The following ARHGAP1 variants were observed in gnomAD, a reference collection of about 807,000 sequenced individuals.
ARHGAP1 encodes the protein Rho GTPase activating protein 1, also known as rho GTPase-activating protein 1.
ARHGAP1 carries 23 observed loss-of-function variants against 52.2 expected under a neutral mutation model. The observed-to-expected ratio is 0.44, with a 90% CI of 0.32 to 0.62. The LOEUF is 0.62. ARHGAP1 is among the 20% of genes least tolerant of loss of function. The probability of loss-of-function intolerance (pLI) is 0.05; values close to 1 mark genes in which losing one functional copy is unlikely to be tolerated. For synonymous variants in ARHGAP1, 210 were observed against 228.4 expected, an observed-to-expected ratio of 0.92 and a Z score of 0.73; for missense variants, 480 against 560.9, an observed-to-expected ratio of 0.86 and a Z score of 1.46.
At chr11:46,694,424 C>A (rs547248768) in intron 3 of ARHGAP1, among the ~76,000 whole-genome samples, 3 of 152,070 alleles carry the variant, frequency 2.0e-5, no homozygotes, top group Non-Finnish European at 4.4e-5. Context: ...CGAGCCAGGA[C>A]GGACACCTAC....
chr11:46,694,138 C>T lies in ARHGAP1; in HGVS notation c.229+1522G>A, dbSNP rs1592391994. Among the ~76,000 whole-genome samples the T allele has an allele frequency of 2.0e-5, 3 of 152,280 alleles. No individual in the cohort carries two copies. In the South Asian group the frequency reaches 6.2e-4, roughly 32 times the overall value. On this transcript the variant is annotated intron_variant, in intron 3 of 12. Transcript: ENST00000311956. ...AGGCACATCCATGGGGACACCATCA[C>T]CCAGAAGGTCCCTGAGCCACCACTC...
Position 46,679,875 on chromosome 11 carries a change from T to C in ARHGAP1, c.899-99A>G. On this transcript the variant is annotated intron_variant, in intron 10 of 12. Transcript: ENST00000311956. The surrounding 1 kb of genome is among the most constrained non-coding windows in gnomAD (Gnocchi z 4.4). Reference sequence around the variant, plus strand: ...GCACTGCCTGACTGCCCCTGGACACTGCATAAGCCCCTCCTCCCAGGGGCG... The same window carrying C: ...GCACTGCCTGACTGCCCCTGGACACCGCATAAGCCCCTCCTCCCAGGGGCG... The C allele has an allele frequency of 6.5e-7, 1 of 1,544,448 alleles. No individual in the cohort carries two copies. The highest frequency in any genetic ancestry group is 8.7e-7 in the Non-Finnish European group (1 of 1,146,736).
intron 1 of ARHGAP1, 23 bp downstream of exon 1, chr11:46,700,528 A>C: frequency 5.9e-6 from 1 of 168,508 alleles, no homozygotes; most frequent in Admixed American, 5.9e-5. Flanking sequence ...CCACCCGGGG[A>C]GACCCCGCGC....
chr11:46,700,094 C>T (rs540988901), intron 1 of ARHGAP1, among the ~76,000 whole-genome samples: 1 of 152,218 alleles, frequency 6.6e-6, no homozygotes, highest in South Asian at 2.1e-4. Context: ...CGCTTGAATC[C>T]GGGAGGCGGA....
At position 46,680,679 on chromosome 11, in the gene ARHGAP1, G is replaced by A. The variant is rs572555794; in HGVS notation, c.704C>T (p.Pro235Leu). Residue 235 changes from proline (P) to leucine (L), a missense_variant, in exon 8 of 13, where the codon CCC becomes CTC. Pro to Leu is a moderately conservative substitution (Grantham distance 98). Transcript: ENST00000311956. This position sits in a 1 kb window ranked among gnomAD's most constrained non-coding sequence, Gnocchi z 5.9. ...TCCAAACTGCTGGTTGGGCAGGGGG[G>A]GCCGTGGGGGCATGGGCTTGGGGGC... ...ATAPKPMPPR[P>L]PLPNQQFGVS... 4.2e-5 allele frequency: 68 copies of A among 1,605,650 alleles called. No individual in the cohort carries two copies. The highest frequency in any genetic ancestry group is 8.9e-5 in the South Asian group (8 of 90,060).
At position 46,678,681 on chromosome 11, in the gene ARHGAP1, A is replaced by C; in HGVS notation, c.*356T>G. ...GAGGACTGGCCCCTGCTACCAGCCCAGCCGGCAGTCATTTGATTCATCCAC... is the reference window on the plus strand; with the variant it reads ...GAGGACTGGCCCCTGCTACCAGCCCCGCCGGCAGTCATTTGATTCATCCAC... On this transcript the variant is annotated 3_prime_UTR_variant, in exon 13 of 13. Transcript: ENST00000311956. 1.3e-5 allele frequency: 3 copies of C among 233,286 alleles called. No individual in the cohort carries two copies. The highest frequency in any genetic ancestry group is 1.7e-5 in the Non-Finnish European group (2 of 117,816). The allele number at this position is 233,286 out of a possible 1,614,324, so 14.5% of individuals were successfully genotyped here.
rs2064505330 is a variant in ARHGAP1, at chr11:46,679,323, T to C, written c.1131+42A>G. The C allele has an allele frequency of 6.2e-7, 1 of 1,608,788 alleles. No individual in the cohort carries two copies. The highest frequency in any genetic ancestry group is 8.5e-7 in the Non-Finnish European group (1 of 1,175,760). Reference sequence around the variant, plus strand: ...GCGCAGAGGAGGCGGCAGCTCCTCCTTCCCCCTCCCTTCACCCCAGAGGCC... The same window carrying C: ...GCGCAGAGGAGGCGGCAGCTCCTCCCTCCCCCTCCCTTCACCCCAGAGGCC... On this transcript the variant is annotated intron_variant, in intron 12 of 12. Transcript: ENST00000311956. This position sits in a 1 kb window ranked among gnomAD's most constrained non-coding sequence, Gnocchi z 4.4.
intron 3 of ARHGAP1, among the ~76,000 whole-genome samples, chr11:46,688,754 T>C (rs894939431): frequency 6.6e-6 from 1 of 151,538 alleles, no homozygotes; most frequent in Non-Finnish European, 1.5e-5. Flanking sequence ...GGATTACAGA[T>C]GTGAGCCACC....
chr11:46,691,047 C>G (rs959922603), intron 3 of ARHGAP1, among the ~76,000 whole-genome samples: 1 of 152,040 alleles, frequency 6.6e-6, no homozygotes, highest in Non-Finnish European at 1.5e-5. Context: ...TGCCATCCCA[C>G]CTGCTTAATT....
Position 46,681,223 on chromosome 11 carries a change from G to T in ARHGAP1, c.536+70C>A, listed in dbSNP as rs1215876115. 1.3e-6 allele frequency: 2 copies of T among 1,556,162 alleles called. No homozygotes were observed. The highest frequency in any genetic ancestry group is 2.2e-5 in the South Asian group (2 of 89,832). ...GCCCAGCCGCACCTGGTGGTCCCCA[G>T]GCTGCCCAGCCTCCCAGCTTCAGAG... On this transcript the variant is annotated intron_variant, in intron 6 of 12. Coordinates refer to ENST00000311956, the MANE Select transcript of ARHGAP1 (RefSeq NM_004308.5). This position sits in a 1 kb window ranked among gnomAD's most constrained non-coding sequence, Gnocchi z 5.7.
rs191585611 is a variant in ARHGAP1, at chr11:46,693,033, T to C, written c.229+2627A>G. ...ACGCCCAGAAAATTTTTTGTATTTT[T>C]AGTAGAGACGGGGTTTCACTGTGTT... On this transcript the variant is annotated intron_variant, in intron 3 of 12. Coordinates refer to ENST00000311956, the MANE Select transcript of ARHGAP1 (RefSeq NM_004308.5). Among the ~76,000 whole-genome samples the C allele has an allele frequency of 6.6e-5, 10 of 152,282 alleles. No individual in the cohort carries two copies. In the East Asian group the frequency reaches 1.9e-3, roughly 29 times the overall value.
rs542167618 is a variant in ARHGAP1 at position 46,687,172 on chromosome 11, C to G, written c.317+1001G>C. 9 of 152,492 alleles carry G rather than the reference C, an allele frequency of 5.9e-5. No homozygotes were observed. The East Asian group carries it at 1.7e-3, about 29-fold the overall frequency. The allele number at this position is 152,492 out of a possible 1,614,324, so 9.4% of individuals were successfully genotyped here. A position where few individuals can be genotyped will look rare whatever the true frequency, so the allele number is the denominator to read the frequency against. On this transcript the variant is annotated intron_variant, in intron 4 of 12. Coordinates refer to ENST00000311956, the MANE Select transcript of ARHGAP1 (RefSeq NM_004308.5). ...GCCTCCACCAGCCCCAGGCCAAGCTCTTGCCCATTCTGGCTGGGCCGTGCG... is the reference window on the plus strand; with the variant it reads ...GCCTCCACCAGCCCCAGGCCAAGCTGTTGCCCATTCTGGCTGGGCCGTGCG...
Position 46,696,010 on chromosome 11 carries a change from C to T in ARHGAP1, c.98G>A (p.Trp33Ter). Residue 33 changes from tryptophan (W) to a stop codon, truncating the protein, a stop_gained, in exon 2 of 13, where the codon TGG becomes TAG. Transcript: ENST00000311956. LOFTEE classifies it high-confidence loss of function. This position sits in a 1 kb window ranked among gnomAD's most constrained non-coding sequence, Gnocchi z 4.8. ...LKLASIDEKN[W>*]PSDEMPDFPK... The stretch of plus-strand genomic sequence containing the variant: ...GAAGTCAGGCATTTCATCCGAGGGC[C>T]AGTTCTTCTCATCGATGGAGGCCAG... The T allele has an allele frequency of 6.2e-7, 1 of 1,614,192 alleles. No homozygotes were observed. Among genetic ancestry groups the T allele is most frequent in the Non-Finnish European group, 8.5e-7 (1 of 1,180,026 alleles).
rs2064497336 is a variant in ARHGAP1 at position 46,678,379 on chromosome 11, C to T, written c.*658G>A. The T allele has an allele frequency of 5.9e-6, 1 of 168,822 alleles. No individual in the cohort carries two copies. The highest frequency in any genetic ancestry group is 1.3e-5 in the Non-Finnish European group (1 of 77,352). The allele number at this position is 168,822 out of a possible 1,614,324, so 10.5% of individuals were successfully genotyped here. On this transcript the variant is annotated 3_prime_UTR_variant, in exon 13 of 13. Coordinates refer to ENST00000311956, the MANE Select transcript of ARHGAP1 (RefSeq NM_004308.5). The stretch of plus-strand genomic sequence containing the variant: ...TCCCTGCACAACCAAGGGGTTAGGA[C>T]ACCCCAGGGGCAGTATCACTTGGGA...
chr11:46,681,993 A>G lies in ARHGAP1; in HGVS notation c.449+58T>C. ...CCTGCCCAAGTGGAGGGCAGCCCGG[A>G]AGCTGGCAGAGCCGCTGCCTCTGGA... On this transcript the variant is annotated intron_variant, in intron 5 of 12. Transcript: ENST00000311956. The surrounding 1 kb of genome is among the most constrained non-coding windows in gnomAD (Gnocchi z 5.7). 2 of 1,606,330 alleles carry G rather than the reference A, an allele frequency of 1.2e-6. No individual in the cohort carries two copies. Among genetic ancestry groups the G allele is most frequent in the Non-Finnish European group, 1.7e-6 (2 of 1,175,514 alleles).
intron 2 of ARHGAP1, 73 bp downstream of exon 2, chr11:46,695,902 G>A (rs1348547456): frequency 2.6e-5 from 42 of 1,609,460 alleles, no homozygotes; most frequent in Non-Finnish European, 2.9e-5. Context: ...CCCTCCTGGC[G>A]TCTCCCTTCA....
At chr11:46,683,568 T>C (rs2134481377) in intron 4 of ARHGAP1, among the ~76,000 whole-genome samples, 1 of 152,072 alleles carries the variant, frequency 6.6e-6, no homozygotes, top group Non-Finnish European at 1.5e-5. Context: ...ACACCTGGTG[T>C]TGAGCACACT....
Position 46,680,547 on chromosome 11 carries a change from G to T in ARHGAP1, c.760C>A (p.Pro254Thr), listed in dbSNP as rs139663325. Residue 254 changes from proline to threonine, a missense_variant, in exon 9 of 13, where the codon CCA becomes ACA. Transcript: ENST00000311956. This position sits in a 1 kb window ranked among gnomAD's most constrained non-coding sequence, Gnocchi z 5.9. ...ACAATGGGAATGGGCTCCTGCTCTG[G>T]ATTCTTCTCCTGGAGGCTGCGGGAA... ...VSLQHLQEKN[P>T]EQEPIPIVLR... 2.9e-5 allele frequency: 47 copies of T among 1,614,106 alleles called. No individual in the cohort carries two copies. In the African/African-American group the frequency reaches 5.2e-4, roughly 18 times the overall value.
rs1254369268 is a variant in ARHGAP1, at chr11:46,695,141, C to T, written c.229+519G>A. 3.5e-5 allele frequency: 10 copies of T among 284,230 alleles called. No homozygotes were observed. The East Asian group carries it at 7.7e-4, about 22-fold the overall frequency. 17.6% of individuals were successfully genotyped at this position (284,230 alleles called of 1,614,324 possible). A position where few individuals can be genotyped will look rare whatever the true frequency, so the allele number is the denominator to read the frequency against. On this transcript the variant is annotated intron_variant, in intron 3 of 12. Coordinates refer to ENST00000311956, the MANE Select transcript of ARHGAP1 (RefSeq NM_004308.5). Reference sequence around the variant, plus strand: ...GAGCTCCCTGAGACAGAGACCTAAGCGGGGCTCTGTACCCACTCTCAGCAG... The same window carrying T: ...GAGCTCCCTGAGACAGAGACCTAAGTGGGGCTCTGTACCCACTCTCAGCAG...
Sources: allele counts gnomAD v4.1 joint callset (sites outside exome capture counted in the v4.1 genomes callset), GRCh38; gene constraint gnomAD v4.1.1; non-coding constraint Gnocchi (gnomAD v3.1); transcripts MANE v1.5; gene names NCBI Gene and HGNC (gene_info 2026-07-23, HGNC 2026-07-21).